Variants in RANBP17 observed in about 807,000 individuals in gnomAD.
RANBP17 encodes ran-binding protein 17.
Under a neutral mutation model 141.2 loss-of-function variants are expected in RANBP17, and 158 were observed. That is an observed-to-expected ratio of 1.12 (90% CI 0.98 to 1.28). The LOEUF (loss-of-function observed/expected upper bound fraction) is 1.28, where lower values mean the gene tolerates loss of function less well. RANBP17 is among the 50% of genes most tolerant of loss of function. RANBP17 has a pLI of 0.00. For missense variants in RANBP17, 1,438 were observed against 1,290.7 expected, an observed-to-expected ratio of 1.11 and a Z score of -1.75; for synonymous variants, 430 against 450.0, an observed-to-expected ratio of 0.96 and a Z score of 0.56.
At chr5:171,108,183 CAAACA>C (rs1482873791) in intron 14 of RANBP17, among the ~76,000 whole-genome samples, 1 of 151,662 alleles carries the variant, frequency 6.6e-6, no homozygotes, top group Non-Finnish European at 1.5e-5. Flanking sequence ...GATTATTTGC[CAAACA>C]GTTCTATAAG....
chr5:171,214,509 A>G (rs1218888033), intron 21 of RANBP17, among the ~76,000 whole-genome samples: 1 of 152,108 alleles, frequency 6.6e-6, no homozygotes. Context: ...TTTGTAAACT[A>G]TGTGTTTAGA....
At chr5:171,087,518 T>C (rs1785766758) in intron 14 of RANBP17, among the ~76,000 whole-genome samples, 1 of 152,104 alleles carries the variant, frequency 6.6e-6, no homozygotes, top group Admixed American at 6.5e-5. Flanking sequence ...CTGGATATCC[T>C]TGTTGACTTT....
At chr5:171,108,749 T>A (rs1410619261) in intron 14 of RANBP17, among the ~76,000 whole-genome samples, 18 of 152,160 alleles carry the variant, frequency 1.2e-4, no homozygotes. Flanking sequence ...ATACAGTATT[T>A]CACTCAAATA....
At chr5:170,984,833 T>C (rs1293906987) in intron 14 of RANBP17, among the ~76,000 whole-genome samples, 1 of 152,166 alleles carries the variant, frequency 6.6e-6, no homozygotes, top group Non-Finnish European at 1.5e-5. Flanking sequence ...ATTATCTTAG[T>C]TTATTGATAA....
At chr5:171,201,769 A>T (rs1014392215) in intron 19 of RANBP17, among the ~76,000 whole-genome samples, 3 of 152,258 alleles carry the variant, frequency 2.0e-5, no homozygotes, top group Non-Finnish European at 4.4e-5. Context: ...TTTATCATAA[A>T]CAAAACTTTT....
intron 14 of RANBP17, among the ~76,000 whole-genome samples, chr5:170,979,102 A>G (rs1777590019): frequency 6.6e-6 from 1 of 152,218 alleles, no homozygotes; most frequent in Non-Finnish European, 1.5e-5. Flanking sequence ...TGTTAAGAAA[A>G]TTGTATGCTC....
intron 12 of RANBP17, among the ~76,000 whole-genome samples, chr5:170,929,618 C>T (rs76398855): frequency 0.027 from 4,076 of 152,166 alleles, 169 homozygotes; most frequent in African/African-American, 0.093. Context: ...ATTCAATTTG[C>T]AACACTTTTG....
At chr5:171,102,411 C>A (rs565023273) in intron 14 of RANBP17, among the ~76,000 whole-genome samples, 66 of 152,064 alleles carry the variant, frequency 4.3e-4, no homozygotes, top group Middle Eastern at 3.4e-3. Flanking sequence ...GTATGCTTCA[C>A]AAACTTCTCG....
At chr5:170,891,299 C>T (rs1442941531) in intron 3 of RANBP17, among the ~76,000 whole-genome samples, 1 of 151,986 alleles carries the variant, frequency 6.6e-6, no homozygotes, top group Admixed American at 6.6e-5. Flanking sequence ...TTGGGAAAGA[C>T]CTGAAGTTTG....
At chr5:171,155,074 T>A (rs1758770141) in intron 14 of RANBP17, among the ~76,000 whole-genome samples, 1 of 54,682 alleles carries the variant, frequency 1.8e-5, no homozygotes, top group African/African-American at 7.1e-5. Context: ...TGATACTCCA[T>A]CTAGAAAAAA....
Position 171,230,443 on chromosome 5 carries a change from G to A in RANBP17, c.2422+8603G>A, listed in dbSNP as rs375891277. ...TGAGAGACGCCCAGTTAGTTATGTA[G>A]TAACTTTTGGGTCAAAGTAAAGAAT... On this transcript the variant is annotated intron_variant, in intron 22 of 27. Transcript: ENST00000523189. Among the ~76,000 whole-genome samples, 29 of 152,256 alleles carry A rather than the reference G, an allele frequency of 1.9e-4. No homozygotes were observed. The South Asian group carries it at 5.8e-3, about 30-fold the overall frequency.
chr5:171,130,381 C>T (rs1756814325), intron 14 of RANBP17, among the ~76,000 whole-genome samples: 1 of 134,090 alleles, frequency 7.5e-6, no homozygotes, highest in Non-Finnish European at 1.6e-5. Flanking sequence ...ATAATGTTTT[C>T]TTTTTTCTCA....
In RANBP17 at chr5:171,299,272, G is replaced by A; in HGVS notation, c.*414G>A. On this transcript the variant is annotated 3_prime_UTR_variant, in exon 28 of 28. Transcript: ENST00000523189. ...ATCCTGGATTGAGACGAATGCCATT[G>A]GAACCTGTTAAATGAGTAGTTTGTT... is the stretch of plus-strand genomic sequence containing the variant. The A allele has an allele frequency of 4.1e-6, 1 of 242,072 alleles. No homozygotes were observed. Among genetic ancestry groups the A allele is most frequent in the Non-Finnish European group, 8.1e-6 (1 of 123,090 alleles). The allele number at this position is 242,072 out of a possible 1,614,324, so 15.0% of individuals were successfully genotyped here. A position where few individuals can be genotyped will look rare whatever the true frequency, so the allele number is the denominator to read the frequency against.
At chr5:170,870,412 C>T (rs982151921) in intron 1 of RANBP17, among the ~76,000 whole-genome samples, 1 of 151,810 alleles carries the variant, frequency 6.6e-6, no homozygotes, top group East Asian at 1.9e-4. Context: ...TTGTTCCCCT[C>T]CCTGTGTCCA....
At chr5:170,938,454 G>A (rs1384983874) in intron 12 of RANBP17, among the ~76,000 whole-genome samples, 2 of 152,218 alleles carry the variant, frequency 1.3e-5, no homozygotes, top group East Asian at 1.9e-4. Context: ...CCATGAATGA[G>A]CACTAACAAA....
intron 14 of RANBP17, among the ~76,000 whole-genome samples, chr5:171,073,176 A>C (rs969092970): frequency 6.6e-6 from 1 of 152,110 alleles, no homozygotes; most frequent in African/African-American, 2.4e-5. Context: ...TAAAAAATCA[A>C]CCAAAATGTC....
At chr5:170,971,726 C>T (rs542217827) in intron 14 of RANBP17, among the ~76,000 whole-genome samples, 1 of 152,284 alleles carries the variant, frequency 6.6e-6, no homozygotes, top group African/African-American at 2.4e-5. Context: ...TGGAGTATCT[C>T]TCAGGTGTAC....
At chr5:171,292,199 T>TCCTAG (rs3085131) in intron 25 of RANBP17, among the ~76,000 whole-genome samples, 14,485 of 152,146 alleles carry the variant, frequency 0.095, 829 homozygotes, top group East Asian at 0.2. Context: ...CAAGCTTAAG[T>TCCTAG]CCTCTCCCCA....
Position 171,298,761 on chromosome 5 carries a change from G to C in RANBP17, c.3171-1G>C. 6.2e-7 allele frequency: 1 copy of C among 1,613,442 alleles called. No homozygotes were observed. Among genetic ancestry groups the C allele is most frequent in the South Asian group, 1.1e-5 (1 of 91,030 alleles). On this transcript the variant is annotated splice_acceptor_variant, in intron 27 of 27. Transcript: ENST00000523189. LOFTEE classifies it high-confidence loss of function. Reference sequence around the variant, plus strand: ...TTGACCCTTTCTTCCTCTTTCTGCAGGTTCACCCAAAATCTGTCTGTATTC... The same window carrying C: ...TTGACCCTTTCTTCCTCTTTCTGCACGTTCACCCAAAATCTGTCTGTATTC...
Sources: gnomAD v4.1 joint callset for allele counts (sites outside exome capture counted in the v4.1 genomes callset) on GRCh38, gnomAD v4.1.1 for gene constraint, MANE v1.5 for transcripts, NCBI Gene and HGNC (gene_info 2026-07-23, HGNC 2026-07-21) for gene names.